Variants in ASAP1 observed in about 807,000 individuals in gnomAD.
ASAP1 encodes ArfGAP with SH3 domain, ankyrin repeat and PH domain 1, also known as arf-GAP with SH3 domain, ANK repeat and PH domain-containing protein 1.
ASAP1 carries 43 observed loss-of-function variants against 145.2 expected under a neutral mutation model. The observed-to-expected ratio is 0.30, with a 90% CI of 0.23 to 0.38. The LOEUF (loss-of-function observed/expected upper bound fraction) is 0.38, where lower values mean the gene tolerates loss of function less well. Among genes scored for constraint, ASAP1 ranks in the 10% least tolerant of loss-of-function variants. The pLI, the probability that ASAP1 is intolerant of heterozygous loss-of-function variation, is 1.00. For synonymous variants in ASAP1, 546 were observed against 515.5 expected, an observed-to-expected ratio of 1.06 and a Z score of -0.80; for missense variants, 1,018 against 1,355.3, an observed-to-expected ratio of 0.75 and a Z score of 3.91.
intron 12 of ASAP1, among the ~76,000 whole-genome samples, chr8:130,157,803 T>C (rs938174057): frequency 6.6e-6 from 1 of 152,136 alleles, no homozygotes; most frequent in Non-Finnish European, 1.5e-5. Flanking sequence ...AAGTCTTCCC[T>C]AATCACCTGT....
chr8:130,292,276 T>A (rs1263715063), intron 3 of ASAP1, among the ~76,000 whole-genome samples: 2 of 152,202 alleles, frequency 1.3e-5, no homozygotes, highest in African/African-American at 4.8e-5. Context: ...GAAGACTCTT[T>A]CTAGATCCTC....
At chr8:130,218,217 T>C (rs896637309) in intron 4 of ASAP1, among the ~76,000 whole-genome samples, 1 of 152,124 alleles carries the variant, frequency 6.6e-6, no homozygotes, top group African/African-American at 2.4e-5. Context: ...CTGATATCCT[T>C]TTCTGATTTT....
At chr8:130,323,623 C>T (rs1039098206) in intron 3 of ASAP1, among the ~76,000 whole-genome samples, 1 of 152,116 alleles carries the variant, frequency 6.6e-6, no homozygotes, top group Non-Finnish European at 1.5e-5. Flanking sequence ...TGTCTGTTCC[C>T]CCTAATTCCC....
chr8:130,164,526 G>C (rs2097676080), intron 11 of ASAP1, among the ~76,000 whole-genome samples: 1 of 152,204 alleles, frequency 6.6e-6, no homozygotes, highest in Non-Finnish European at 1.5e-5. Context: ...GGGAGGCAGA[G>C]GCTGCAGTGA....
chr8:130,233,273 G>C (rs1409207776), intron 4 of ASAP1, among the ~76,000 whole-genome samples: 1 of 152,120 alleles, frequency 6.6e-6, no homozygotes, highest in Non-Finnish European at 1.5e-5. Flanking sequence ...CATGATTAGT[G>C]AATATTAATA....
At position 130,136,982 on chromosome 8, in the gene ASAP1, G is replaced by A. The variant is rs780099920; in HGVS notation, c.1137C>T (p.Ala379=). The A allele has an allele frequency of 1.2e-6, 2 of 1,614,164 alleles. No homozygotes were observed. The highest frequency in any genetic ancestry group is 8.5e-7 in the Non-Finnish European group (1 of 1,180,028). Residue 379 remains alanine (A), a synonymous_variant, in exon 14 of 30, where the codon GCC becomes GCT. Transcript: ENST00000518721. ...NLLTCQVKPN[A]EDKKSFDLIS... ...TCAGGTCAAAAGATTTTTTGTCTTC[G>A]GCATTAGGTTTTACTTGGCAGGTGA... is the stretch of plus-strand genomic sequence containing the variant.
chr8:130,419,656 C>T (rs1829635063), intron 1 of ASAP1, among the ~76,000 whole-genome samples: 1 of 152,056 alleles, frequency 6.6e-6, no homozygotes, highest in South Asian at 2.1e-4. Flanking sequence ...GGGCTTGCTC[C>T]TCCTCTGCTA....
chr8:130,346,936 TAAAG>T (rs928998891), intron 3 of ASAP1, among the ~76,000 whole-genome samples: 1 of 152,208 alleles, frequency 6.6e-6, no homozygotes, highest in African/African-American at 2.4e-5. Context: ...TAATGCAACA[TAAAG>T]GAAGGCTCCC....
At chr8:130,403,304 A>G (rs1173127826) in intron 1 of ASAP1, among the ~76,000 whole-genome samples, 4 of 144,488 alleles carry the variant, frequency 2.8e-5, no homozygotes, top group Non-Finnish European at 1.5e-5. Context: ...TTTTTTTTAA[A>G]AAACCCAGAT....
intron 25 of ASAP1, chr8:130,083,082 GA>G (rs1444656228): frequency 1.3e-5 from 2 of 152,170 alleles, no homozygotes; most frequent in African/African-American, 4.8e-5. Flanking sequence ...GAGTAAATTT[GA>G]GACCAACAGG....
intron 18 of ASAP1, 133 bp downstream of exon 18, chr8:130,123,880 A>T: frequency 1.6e-6 from 1 of 620,348 alleles, no homozygotes; most frequent in Non-Finnish European, 2.8e-6. Context: ...CGTTTGCCTC[A>T]GCCTCCCAAA....
At chr8:130,337,262 C>T (rs980107913) in intron 3 of ASAP1, among the ~76,000 whole-genome samples, 9 of 152,222 alleles carry the variant, frequency 5.9e-5, no homozygotes, top group African/African-American at 2.2e-4. Context: ...TAACTATCAT[C>T]TTAACTCCAA....
At chr8:130,351,456 T>C (rs1221744925) in intron 3 of ASAP1, among the ~76,000 whole-genome samples, 2 of 152,198 alleles carry the variant, frequency 1.3e-5, no homozygotes, top group African/African-American at 2.4e-5. Context: ...TAAGGTGTGT[T>C]AGGCAGTTCT....
At chr8:130,307,944 C>A (rs1565193101) in intron 3 of ASAP1, among the ~76,000 whole-genome samples, 1 of 152,202 alleles carries the variant, frequency 6.6e-6, no homozygotes, top group African/African-American at 2.4e-5. Flanking sequence ...ATAATGTTTG[C>A]ACAGCCTCAG....
intron 25 of ASAP1, among the ~76,000 whole-genome samples, chr8:130,088,484 G>A (rs939239637): frequency 6.6e-6 from 1 of 152,156 alleles, no homozygotes; most frequent in African/African-American, 2.4e-5. Flanking sequence ...AGAACACAGA[G>A]AGGCGGCGGC....
At chr8:130,174,013 A>G (rs1233480947) in intron 9 of ASAP1, among the ~76,000 whole-genome samples, 3 of 142,560 alleles carry the variant, frequency 2.1e-5, no homozygotes, top group African/African-American at 7.8e-5. Flanking sequence ...GTTTGAACCC[A>G]GTAGGTGGAG....
chr8:130,152,429 GTCATC>G (rs1362165670), intron 13 of ASAP1, among the ~76,000 whole-genome samples: 14 of 152,062 alleles, frequency 9.2e-5, no homozygotes, highest in Admixed American at 4.6e-4. Flanking sequence ...AGAACAGCCT[GTCATC>G]TCTATAATTC....
chr8:130,278,395 G>T (rs915505818), intron 3 of ASAP1, among the ~76,000 whole-genome samples: 3 of 151,796 alleles, frequency 2.0e-5, no homozygotes, highest in Non-Finnish European at 4.4e-5. Context: ...AAAAGAAAAA[G>T]AAAATATGAC....
At chr8:130,330,866 T>C (rs761748145) in intron 3 of ASAP1, among the ~76,000 whole-genome samples, 2 of 152,186 alleles carry the variant, frequency 1.3e-5, no homozygotes, top group Non-Finnish European at 2.9e-5. Flanking sequence ...ATGAAGAATA[T>C]ACTGAACCCA....
Sources: allele counts gnomAD v4.1 joint callset (sites outside exome capture counted in the v4.1 genomes callset), GRCh38; gene constraint gnomAD v4.1.1; transcripts MANE v1.5; gene names NCBI Gene and HGNC (gene_info 2026-07-23, HGNC 2026-07-21).